Variants in CCNJL observed in about 807,000 individuals in gnomAD.
CCNJL encodes cyclin J like.
A neutral mutation model predicts 33.4 loss-of-function variants in CCNJL; 33 were observed. The observed-to-expected ratio is 0.99, with a 90% CI of 0.75 to 1.32. CCNJL has a LOEUF of 1.32. Among genes scored for constraint, CCNJL ranks in the 40% most tolerant of loss-of-function variants. CCNJL has a pLI of 0.00. For synonymous variants in CCNJL, 227 were observed against 220.9 expected, an observed-to-expected ratio of 1.03 and a Z score of -0.24; for missense variants, 512 against 499.7, an observed-to-expected ratio of 1.02 and a Z score of -0.23.
chr5:160,316,786 C>T (rs1173934294), upstream of CCNJL, among the ~76,000 whole-genome samples: 3 of 152,186 alleles, frequency 2.0e-5, no homozygotes, highest in South Asian at 2.1e-4. Context: ...CATGGCATCC[C>T]GTAGTTCCAT....
intron 1 of CCNJL, among the ~76,000 whole-genome samples, chr5:160,322,231 G>A (rs909398355): frequency 2.6e-5 from 4 of 152,182 alleles, no homozygotes; most frequent in African/African-American, 4.8e-5. Context: ...ACTTAATCAC[G>A]TCTCTAAGGA....
intron 3 of CCNJL, among the ~76,000 whole-genome samples, chr5:160,273,812 A>G (rs889310589): frequency 2.6e-5 from 4 of 151,700 alleles, no homozygotes; most frequent in Admixed American, 6.6e-5. Context: ...ACAACCGGCT[A>G]ATTTTTTTGT....
At chr5:160,278,462 A>G (rs1048719075) in intron 3 of CCNJL, among the ~76,000 whole-genome samples, 66 of 152,078 alleles carry the variant, frequency 4.3e-4, no homozygotes, top group Non-Finnish European at 1.5e-4. Context: ...GCCTGGGGAG[A>G]GGGGAGGAGG....
At chr5:160,331,411 G>A (rs150860323) in intron 1 of CCNJL, among the ~76,000 whole-genome samples, 4,878 of 151,304 alleles carry the variant, frequency 0.032, 255 homozygotes, top group African/African-American at 0.11. Context: ...TTTTTAGTAG[G>A]GACAGGGTTT....
chr5:160,266,500 G>A (rs538494959), intron 3 of CCNJL, among the ~76,000 whole-genome samples: 4 of 152,196 alleles, frequency 2.6e-5, no homozygotes, highest in Non-Finnish European at 5.9e-5. Flanking sequence ...GGAATGTCCT[G>A]GAGCAGGGGC....
intron 2 of CCNJL, among the ~76,000 whole-genome samples, chr5:160,297,212 C>G (rs1468652396): frequency 6.6e-6 from 1 of 152,118 alleles, no homozygotes; most frequent in Non-Finnish European, 1.5e-5. Context: ...CATGGTTTCT[C>G]CTGGCAGAGC....
upstream of CCNJL, among the ~76,000 whole-genome samples, chr5:160,316,570 C>T (rs1392425101): frequency 6.6e-6 from 1 of 152,204 alleles, no homozygotes; most frequent in Non-Finnish European, 1.5e-5. Flanking sequence ...AAAATGTACA[C>T]GTTCTCCCTC....
At chr5:160,293,161 G>C (rs921874118) in intron 2 of CCNJL, among the ~76,000 whole-genome samples, 1 of 152,206 alleles carries the variant, frequency 6.6e-6, no homozygotes, top group African/African-American at 2.4e-5. Context: ...GCTCACACCT[G>C]TAATCCCAGC....
At chr5:160,318,205 C>T (rs1267724796) in intron 1 of CCNJL, among the ~76,000 whole-genome samples, 12 of 152,062 alleles carry the variant, frequency 7.9e-5, no homozygotes, top group Non-Finnish European at 1.5e-4. Flanking sequence ...TTAGTAGAGA[C>T]AGGGTTTCAC....
chr5:160,304,680 T>C (rs1296674736), intron 2 of CCNJL, among the ~76,000 whole-genome samples: 1 of 152,198 alleles, frequency 6.6e-6, no homozygotes, highest in South Asian at 2.1e-4. Context: ...TCTGGGGGCA[T>C]CTTGTGATTT....
intron 2 of CCNJL, among the ~76,000 whole-genome samples, chr5:160,299,512 T>G (rs965597529): frequency 3.3e-5 from 5 of 151,800 alleles, no homozygotes; most frequent in Admixed American, 3.3e-4. Flanking sequence ...TGTGAACAAC[T>G]ATAAAAACCA....
intron 1 of CCNJL, among the ~76,000 whole-genome samples, chr5:160,320,825 C>CTTTA (rs1763435739): frequency 8.6e-6 from 1 of 116,526 alleles, no homozygotes; most frequent in African/African-American, 3.2e-5. Flanking sequence ...TTCTTTCTTT[C>CTTTA]TTTCTTTCTT....
At chr5:160,270,131 C>T (rs1580966335) in intron 3 of CCNJL, among the ~76,000 whole-genome samples, 1 of 150,324 alleles carries the variant, frequency 6.7e-6, no homozygotes, top group African/African-American at 2.5e-5. Flanking sequence ...GGCAACATGG[C>T]AAAACCTTGT....
At chr5:160,320,835 T>C (rs1243949978) in intron 1 of CCNJL, among the ~76,000 whole-genome samples, 2 of 116,274 alleles carry the variant, frequency 1.7e-5, no homozygotes, top group African/African-American at 6.2e-5. Flanking sequence ...CTTTCTTTCT[T>C]TCTTTCTTTC....
At chr5:160,315,134 A>C (rs893927393), upstream of CCNJL, among the ~76,000 whole-genome samples, 11 of 152,210 alleles carry the variant, frequency 7.2e-5, no homozygotes, top group Non-Finnish European at 2.9e-5. Flanking sequence ...GCATTTTTTA[A>C]AGGATGCATG....
chr5:160,326,038 G>A (rs1028572446), intron 1 of CCNJL, among the ~76,000 whole-genome samples: 1 of 152,182 alleles, frequency 6.6e-6, no homozygotes, highest in East Asian at 1.9e-4. Context: ...ACTGTGGAGC[G>A]TGCACGTACT....
intron 2 of CCNJL, among the ~76,000 whole-genome samples, chr5:160,303,972 G>A (rs1763011952): frequency 6.6e-6 from 1 of 152,154 alleles, no homozygotes; most frequent in Admixed American, 6.5e-5. Context: ...AGGGTGCCCA[G>A]CCAAGTCCCT....
At chr5:160,326,320 C>A (rs906755163) in intron 1 of CCNJL, among the ~76,000 whole-genome samples, 2 of 151,720 alleles carry the variant, frequency 1.3e-5, no homozygotes, top group African/African-American at 2.4e-5. Context: ...ACTAAAAATA[C>A]AAAAATTAGC....
intron 2 of CCNJL, among the ~76,000 whole-genome samples, chr5:160,300,267 G>A (rs112177007): frequency 2.0e-5 from 3 of 152,160 alleles, no homozygotes; most frequent in African/African-American, 7.2e-5. Flanking sequence ...ACTGCAATGC[G>A]GGGACTAAGA....
Sources: gnomAD v4.1 joint callset for allele counts (sites outside exome capture counted in the v4.1 genomes callset) on GRCh38, gnomAD v4.1.1 for gene constraint, MANE v1.5 for transcripts, NCBI Gene and HGNC (gene_info 2026-07-23, HGNC 2026-07-21) for gene names.